GREB1L: variants seen among roughly 807,000 people sequenced by gnomAD.
GREB1L encodes the protein GREB1 like retinoic acid receptor coactivator.
In GREB1L, 17 loss-of-function variants were observed where a neutral mutation model predicts 200.8. The ratio of observed to expected loss-of-function variants is 0.08; its 90% CI spans 0.06 to 0.13. The LOEUF (loss-of-function observed/expected upper bound fraction) is 0.13. GREB1L is among the 10% of genes least tolerant of loss of function. The probability of loss-of-function intolerance (pLI) is 1.00; values close to 1 mark genes in which losing one functional copy is unlikely to be tolerated. For missense variants in GREB1L, 1,657 were observed against 2,367.7 expected, an observed-to-expected ratio of 0.70 and a Z score of 6.23; for synonymous variants, 789 against 893.0, an observed-to-expected ratio of 0.88 and a Z score of 2.08.
chr18:21,468,851 A>G (rs1217617667), intron 15 of GREB1L: 1 of 439,366 alleles, frequency 2.3e-6, no homozygotes, highest in Non-Finnish European at 4.6e-6. Flanking sequence ...TGTTTTGTGT[A>G]GGGAATGTTT....
At chr18:21,359,667 A>G (rs927280060) in intron 1 of GREB1L, among the ~76,000 whole-genome samples, 6 of 152,254 alleles carry the variant, frequency 3.9e-5, no homozygotes, top group Admixed American at 2.0e-4. Context: ...CTTGATTCCT[A>G]CCAGACAGGA....
intron 1 of GREB1L, among the ~76,000 whole-genome samples, chr18:21,294,619 A>G (rs2144621337): frequency 6.6e-6 from 1 of 150,766 alleles, no homozygotes; most frequent in East Asian, 1.9e-4. Context: ...AATGTTGTAT[A>G]TAATATAATA....
At chr18:21,459,440 C>G (rs2034936970) in intron 15 of GREB1L, among the ~76,000 whole-genome samples, 1 of 151,850 alleles carries the variant, frequency 6.6e-6, no homozygotes, top group African/African-American at 2.4e-5. Context: ...CGCCCACCAC[C>G]ATGCCCAGCT....
chr18:21,466,223 C>G (rs776888811), intron 15 of GREB1L, among the ~76,000 whole-genome samples: 2 of 152,004 alleles, frequency 1.3e-5, no homozygotes, highest in African/African-American at 2.4e-5. Flanking sequence ...TGTAATGTTT[C>G]TAGTTTTTTG....
intron 18 of GREB1L, among the ~76,000 whole-genome samples, chr18:21,487,402 T>G (rs936653229): frequency 6.6e-6 from 1 of 152,224 alleles, no homozygotes; most frequent in Non-Finnish European, 1.5e-5. Context: ...AACTTTGGCT[T>G]TTCTACGTGG....
In GREB1L at chr18:21,490,259, G is replaced by A. The variant is rs774798820; in HGVS notation, c.2938G>A (p.Asp980Asn). The A allele has an allele frequency of 1.2e-4, 183 of 1,551,584 alleles. No individual in the cohort carries two copies. The highest frequency in any genetic ancestry group is 1.4e-4 in the Non-Finnish European group (162 of 1,147,020). ...CAAGGAGCGGCTACAGGAGGTGCGCGACAAACTGGGTCTGCAGTATCGGTT... is the reference window on the plus strand; with the variant it reads ...CAAGGAGCGGCTACAGGAGGTGCGCAACAAACTGGGTCTGCAGTATCGGTT... ...LAKERLQEVR[D>N]KLGLQYRFEI... The change falls in exon 19 of 33, where the codon GAC becomes AAC. Residue 980 changes from aspartate to asparagine, a missense_variant. By Grantham distance (23) the Asp-to-Asn change is conservative (BLOSUM62 1). Coordinates refer to ENST00000424526, the MANE Select transcript of GREB1L (RefSeq NM_001142966.3).
intron 1 of GREB1L, among the ~76,000 whole-genome samples, chr18:21,249,040 A>T (rs2037654087): frequency 1.3e-5 from 2 of 152,266 alleles, no homozygotes; most frequent in South Asian, 4.1e-4. Context: ...AAGTAAAAAC[A>T]TTAGAAACCA....
In GREB1L at chr18:21,454,891, G is replaced by A. The variant is rs190071072; in HGVS notation, c.2182+328G>A. The A allele has an allele frequency of 4.6e-3, 1,683 of 364,962 alleles. 6 individuals carry two copies. The highest frequency in any genetic ancestry group is 7.1e-3 in the Non-Finnish European group (1,354 of 190,956). 22.6% of individuals were successfully genotyped at this position (364,962 alleles called of 1,614,324 possible). ...GGATGGCCCTGCATGGGTTGATGGC[G>A]TCTGTGCCACCTGAACTCCTCCCAC... On this transcript the variant is annotated intron_variant, in intron 15 of 32. Coordinates refer to ENST00000424526, the MANE Select transcript of GREB1L (RefSeq NM_001142966.3).
At position 21,496,629 on chromosome 18, in the gene GREB1L, G is replaced by A. The variant is rs1487281383; in HGVS notation, c.3322G>A (p.Asp1108Asn). The change falls in exon 21 of 33, where the codon GAC (aspartate) becomes AAC (asparagine). Residue 1108 changes from aspartate (D) to asparagine (N), a missense_variant. Asp to Asn is a conservative substitution (Grantham distance 23). Around this residue, in one of 9 missense-constraint regions of GREB1L, gnomAD observed 512 missense variants for 668.3 expected, o/e 0.77. Coordinates refer to ENST00000424526, the MANE Select transcript of GREB1L (RefSeq NM_001142966.3). Reference protein sequence around the residue: ...EQERAAVSENDSDELLIDLER... With the variant: ...EQERAAVSENNSDELLIDLER... ...GGAGAGAGCTGCTGTCAGTGAGAAT[G>A]ACTCCGATGAGCTGCTCATCGACCT... The A allele has an allele frequency of 6.4e-7, 1 of 1,551,696 alleles. No individual in the cohort carries two copies. Among genetic ancestry groups the A allele is most frequent in the Non-Finnish European group, 8.7e-7 (1 of 1,146,990 alleles).
At chr18:21,382,307 C>T (rs1334263339) in intron 2 of GREB1L, among the ~76,000 whole-genome samples, 1 of 151,884 alleles carries the variant, frequency 6.6e-6, no homozygotes, top group Non-Finnish European at 1.5e-5. Flanking sequence ...TGCCACTGCA[C>T]TCCAGCCTGG....
chr18:21,341,259 C>T (rs1294527028), intron 1 of GREB1L, among the ~76,000 whole-genome samples: 13 of 152,198 alleles, frequency 8.5e-5, no homozygotes, highest in Admixed American at 8.5e-4. Flanking sequence ...AGGATAGATA[C>T]CTGCCACTTG....
chr18:21,346,430 A>G (rs1334728785), intron 1 of GREB1L, among the ~76,000 whole-genome samples: 2 of 151,442 alleles, frequency 1.3e-5, no homozygotes, highest in Non-Finnish European at 2.9e-5. Flanking sequence ...GCTATCTTTT[A>G]TCTATAGGAT....
chr18:21,243,154 C>T (rs544521762), intron 1 of GREB1L, among the ~76,000 whole-genome samples: 18 of 152,012 alleles, frequency 1.2e-4, no homozygotes, highest in Non-Finnish European at 2.4e-4. Flanking sequence ...TGCGCCCTGG[C>T]CGGGGAGGGT....
rs1375157965 is a variant in GREB1L, at chr18:21,508,374, T to A, written c.4531-13T>A. 4 of 1,551,106 alleles carry A rather than the reference T, an allele frequency of 2.6e-6. No individual in the cohort carries two copies. The East Asian group carries it at 7.3e-5, about 28-fold the overall frequency. On this transcript the variant is annotated splice_polypyrimidine_tract_variant and intron_variant, in intron 26 of 32. Coordinates refer to ENST00000424526, the MANE Select transcript of GREB1L (RefSeq NM_001142966.3). Reference sequence around the variant, plus strand: ...AATTTCCCTTTATGGTCTGTTTTTTTCCCTTTCAGCAGAATTTGAATGCAG... The same window carrying A: ...AATTTCCCTTTATGGTCTGTTTTTTACCCTTTCAGCAGAATTTGAATGCAG...
chr18:21,459,087 G>A (rs1456200585), intron 15 of GREB1L, among the ~76,000 whole-genome samples: 1 of 151,884 alleles, frequency 6.6e-6, no homozygotes. Flanking sequence ...CCTGTCAGGG[G>A]AATGACACAA....
chr18:21,436,302 A>G (rs1489398770), intron 7 of GREB1L, among the ~76,000 whole-genome samples: 1 of 152,184 alleles, frequency 6.6e-6, no homozygotes, highest in Non-Finnish European at 1.5e-5. Flanking sequence ...GGTAAATACT[A>G]TAAGCCAAGG....
Position 21,403,982 on chromosome 18 carries a change from T to C in GREB1L, c.820T>C (p.Phe274Leu), listed in dbSNP as rs750447800. 7.7e-6 allele frequency: 12 copies of C among 1,551,432 alleles called. No homozygotes were observed. The African/African-American group carries it at 1.5e-4, about 19-fold the overall frequency. ...GACAACTAATGGATACAAATCAGGA[T>C]TCACTCAGACAGGTATGGGATATTT... is the stretch of plus-strand genomic sequence containing the variant. ...NGTTNGYKSG[F>L]TQTDAANGNS... is the part of the protein sequence containing the mutation. The change falls in exon 7 of 33, where the codon TTC (phenylalanine) becomes CTC (leucine). Residue 274 changes from phenylalanine to leucine, a missense_variant. Physicochemically the swap from Phe to Leu is conservative, Grantham distance 22. Coordinates refer to ENST00000424526, the MANE Select transcript of GREB1L (RefSeq NM_001142966.3).
At chr18:21,243,156 G>A (rs572461378) in intron 1 of GREB1L, among the ~76,000 whole-genome samples, 38 of 152,204 alleles carry the variant, frequency 2.5e-4, no homozygotes, top group African/African-American at 7.5e-4. Flanking sequence ...CGCCCTGGCC[G>A]GGGAGGGTGA....
At chr18:21,368,856 C>T (rs978610997) in intron 2 of GREB1L, among the ~76,000 whole-genome samples, 5 of 151,938 alleles carry the variant, frequency 3.3e-5, no homozygotes, top group Admixed American at 6.6e-5. Flanking sequence ...TAGTGACCCA[C>T]CATTATCAAA....
Sources: allele counts gnomAD v4.1 joint callset (sites outside exome capture counted in the v4.1 genomes callset), GRCh38; gene constraint gnomAD v4.1.1; regional missense constraint gnomAD v4.1.1; transcripts MANE v1.5; gene names NCBI Gene and HGNC (gene_info 2026-07-23, HGNC 2026-07-21).